The following SCUBE2 variants were observed in gnomAD, a reference collection of about 807,000 sequenced individuals.
SCUBE2 encodes the protein signal peptide, CUB domain and EGF like domain containing 2.
Under a neutral mutation model 125.9 loss-of-function variants are expected in SCUBE2, and 114 were observed. The observed-to-expected ratio is 0.91, with a 90% CI of 0.78 to 1.06. The LOEUF is 1.06. SCUBE2 is among the 50% of genes least tolerant of loss of function. The probability of loss-of-function intolerance (pLI) is 0.00; values close to 1 mark genes in which losing one functional copy is unlikely to be tolerated. For synonymous variants in SCUBE2, 459 were observed against 492.9 expected, an observed-to-expected ratio of 0.93 and a Z score of 0.91; for missense variants, 1,255 against 1,301.8, an observed-to-expected ratio of 0.96 and a Z score of 0.55.
chr11:9,036,355 C>T (rs1263416101), intron 16 of SCUBE2, among the ~76,000 whole-genome samples: 1 of 152,182 alleles, frequency 6.6e-6, no homozygotes, highest in Non-Finnish European at 1.5e-5. Context: ...CAGCCCATCT[C>T]TCATGTAAAG....
chr11:9,031,010 A>C, intron 17 of SCUBE2, 85 bp from the exon 18 acceptor site: 1 of 1,332,420 alleles, frequency 7.5e-7, no homozygotes. Flanking sequence ...ACTTCAGTCC[A>C]ACCTGTTACC....
chr11:9,052,743 T>C lies in SCUBE2; in HGVS notation c.1534+3A>G. ...AGAGAGAACACGCAGATTTGGTAATTACCCCCAAAAGCAGAGTCATTTGAT... is the reference window on the plus strand; with the variant it reads ...AGAGAGAACACGCAGATTTGGTAATCACCCCCAAAAGCAGAGTCATTTGAT... On this transcript the variant is annotated splice_donor_region_variant and intron_variant, in intron 13 of 22. Transcript: ENST00000649792. The C allele has an allele frequency of 6.5e-7, 1 of 1,534,304 alleles. No homozygotes were observed. Among genetic ancestry groups the C allele is most frequent in the Non-Finnish European group, 8.7e-7 (1 of 1,144,238 alleles).
At chr11:9,061,934 G>A (rs145293679) in intron 7 of SCUBE2, among the ~76,000 whole-genome samples, 12 of 152,280 alleles carry the variant, frequency 7.9e-5, no homozygotes, top group Non-Finnish European at 1.2e-4. Context: ...AAATGAGGAC[G>A]GAGTTAAGAA....
At chr11:9,021,292 C>T (rs1303339780) in intron 22 of SCUBE2, 95 bp from the exon 23 acceptor site, 2 of 1,052,326 alleles carry the variant, frequency 1.9e-6, no homozygotes, top group Non-Finnish European at 2.5e-6. Flanking sequence ...TAGGCCGTAG[C>T]TTGCTTAGCT....
rs1389728256 is a variant in SCUBE2 at position 9,030,041 on chromosome 11, TTGAAC to T, written c.2342-1_2345del. The stretch of plus-strand genomic sequence containing the variant: ...TGTTGTAGAAATGTCCAGGTGAACA[TTGAAC>T]TGTGGGTCAAGGGAGGGTGAAAAGA... On this transcript the variant is annotated splice_acceptor_variant and coding_sequence_variant, in exon 19 of 23. Coordinates refer to ENST00000649792, the MANE Select transcript of SCUBE2 (RefSeq NM_001367977.2). LOFTEE classifies it high-confidence loss of function. 1 of 1,613,606 alleles carries T rather than the reference TTGAAC, an allele frequency of 6.2e-7. No homozygotes were observed. The highest frequency in any genetic ancestry group is 8.5e-7 in the Non-Finnish European group (1 of 1,179,664).
At chr11:9,047,273 TG>T in intron 16 of SCUBE2, 82 bp downstream of exon 16, 1 of 1,391,198 alleles carries the variant, frequency 7.2e-7, no homozygotes, top group Non-Finnish European at 1.0e-6. Flanking sequence ...GAAGGGAGGA[TG>T]GGCCAGACTT....
chr11:9,045,602 GACAGACAGACACACACACACACAC>G (rs1566189274), intron 16 of SCUBE2, among the ~76,000 whole-genome samples: 1 of 75,396 alleles, frequency 1.3e-5, no homozygotes, highest in Non-Finnish European at 3.0e-5. Context: ...CTAGAAGACA[GACAGACAGACACACACACACACAC>G]ACACACACAC....
At chr11:9,024,112 A>G in intron 21 of SCUBE2, 1 of 631,040 alleles carries the variant, frequency 1.6e-6, no homozygotes, top group Non-Finnish European at 2.0e-6. Context: ...TCTCGTGGGC[A>G]TACACTGCAT....
At chr11:9,041,955 G>A (rs1215171191) in intron 16 of SCUBE2, among the ~76,000 whole-genome samples, 1 of 152,128 alleles carries the variant, frequency 6.6e-6, no homozygotes, top group Non-Finnish European at 1.5e-5. Flanking sequence ...CAGCTTGAGT[G>A]CAAGATAGAG....
At chr11:9,060,360 C>T (rs2135585804) in intron 8 of SCUBE2, 48 bp downstream of exon 8, 2 of 1,426,046 alleles carry the variant, frequency 1.4e-6, no homozygotes, top group Non-Finnish European at 2.0e-6. Context: ...GGCATGGGCC[C>T]TCCCTCCATA....
Position 9,065,939 on chromosome 11 carries a change from T to C in SCUBE2, c.802A>G (p.Thr268Ala). The C allele has an allele frequency of 6.2e-7, 1 of 1,614,182 alleles. No homozygotes were observed. Among genetic ancestry groups the C allele is most frequent in the Non-Finnish European group, 8.5e-7 (1 of 1,180,008 alleles). The change falls in exon 7 of 23, where the codon ACA (threonine) becomes GCA (alanine). Residue 268 changes from threonine (T) to alanine (A), a missense_variant. Coordinates refer to ENST00000649792, the MANE Select transcript of SCUBE2 (RefSeq NM_001367977.2). ...TVLEVTESNT[T>A]SVVDGDKRVK... ...CGTTTATCCCCATCCACCACTGATG[T>C]GGTGTTGCTCTCTGTCACCTCCAGG...
intron 16 of SCUBE2, 66 bp downstream of exon 16, chr11:9,047,290 C>G: frequency 6.4e-7 from 1 of 1,550,604 alleles, no homozygotes; most frequent in Non-Finnish European, 8.9e-7. Flanking sequence ...GACTTGCCTT[C>G]GGTTACCCTG....
In SCUBE2 at chr11:9,066,818, C is replaced by A. The variant is rs1860287908; in HGVS notation, c.644-5G>T. On this transcript the variant is annotated splice_polypyrimidine_tract_variant and splice_region_variant and intron_variant, in intron 5 of 22. Transcript: ENST00000649792. The stretch of plus-strand genomic sequence containing the variant: ...CGTTCCCATGGTTACAGGTCACTGA[C>A]AGCAAAATGAATCAATACATAAAGC... 1 of 1,608,772 alleles carries A rather than the reference C, an allele frequency of 6.2e-7. No individual in the cohort carries two copies. Among genetic ancestry groups the A allele is most frequent in the African/African-American group, 1.3e-5 (1 of 74,792 alleles).
rs149116924 is a variant in SCUBE2 at position 9,033,654 on chromosome 11, T to C, written c.2145A>G (p.Pro715=). The change falls in exon 17 of 23, where the codon CCA becomes CCG. Residue 715 remains proline, a synonymous_variant. Transcript: ENST00000649792. ...CACATTCAGACATATTCCAAGCTTC[T>C]GGGGTCTTCAGGGCCCCAGAATTTC... ...RPGNSGALKT[P]EAWNMSECGG... 23 of 1,614,152 alleles carry C rather than the reference T, an allele frequency of 1.4e-5. No homozygotes were observed. In the African/African-American group the frequency reaches 3.1e-4, roughly 22 times the overall value.
chr11:9,066,818 C>T lies in SCUBE2; in HGVS notation c.644-5G>A. 5 of 1,608,890 alleles carry T rather than the reference C, an allele frequency of 3.1e-6. No individual in the cohort carries two copies. Among genetic ancestry groups the T allele is most frequent in the Non-Finnish European group, 4.3e-6 (5 of 1,175,236 alleles). On this transcript the variant is annotated splice_polypyrimidine_tract_variant and splice_region_variant and intron_variant, in intron 5 of 22. Coordinates refer to ENST00000649792, the MANE Select transcript of SCUBE2 (RefSeq NM_001367977.2). Reference sequence around the variant, plus strand: ...CGTTCCCATGGTTACAGGTCACTGACAGCAAAATGAATCAATACATAAAGC... The same window carrying T: ...CGTTCCCATGGTTACAGGTCACTGATAGCAAAATGAATCAATACATAAAGC...
rs570597512 is a variant in SCUBE2, at chr11:9,084,790, C to A, written c.256+4917G>T. Among the ~76,000 whole-genome samples, 10 of 152,326 alleles carry A rather than the reference C, an allele frequency of 6.6e-5. No individual in the cohort carries two copies. The South Asian group carries it at 2.1e-3, about 32-fold the overall frequency. On this transcript the variant is annotated intron_variant, in intron 2 of 22. Coordinates refer to ENST00000649792, the MANE Select transcript of SCUBE2 (RefSeq NM_001367977.2). The stretch of plus-strand genomic sequence containing the variant: ...ACAGCGTCTCATTTTGTCACCCAGG[C>A]TGGAGTGCAGTGGTGCCATCATAGC...
intron 13 of SCUBE2, among the ~76,000 whole-genome samples, chr11:9,051,056 G>A (rs895786637): frequency 3.3e-5 from 5 of 152,106 alleles, no homozygotes; most frequent in Non-Finnish European, 5.9e-5. Context: ...CCAGCTACTC[G>A]GGAGGCTGAG....
At position 9,074,499 on chromosome 11, in the gene SCUBE2, A is replaced by G; in HGVS notation, c.499T>C (p.Cys167Arg). The change falls in exon 4 of 23, where the codon TGC becomes CGC. Residue 167 changes from cysteine (C) to arginine (R), a missense_variant. By Grantham distance (180) the Cys-to-Arg change is radical (BLOSUM62 -3). Around this residue, in one of 3 missense-constraint regions of SCUBE2, gnomAD observed 362 missense variants for 323.0 expected, o/e 1.12. Coordinates refer to ENST00000649792, the MANE Select transcript of SCUBE2 (RefSeq NM_001367977.2). ...GFFLSDNQHT[C>R]IHRSEEGLSC... ...GAGGTACCTTCCGAGCGGTGAATGC[A>G]GGTGTGCTGATTGTCACTCAGGAAA... 1 of 1,614,174 alleles carries G rather than the reference A, an allele frequency of 6.2e-7. No individual in the cohort carries two copies. Among genetic ancestry groups the G allele is most frequent in the Non-Finnish European group, 8.5e-7 (1 of 1,180,016 alleles).
At chr11:9,042,746 C>T (rs995661327) in intron 16 of SCUBE2, among the ~76,000 whole-genome samples, 2 of 152,288 alleles carry the variant, frequency 1.3e-5, no homozygotes, top group South Asian at 2.1e-4. Flanking sequence ...GAAGCAAGTG[C>T]CAGGATCACA....
Sources: gnomAD v4.1 joint callset for allele counts (sites outside exome capture counted in the v4.1 genomes callset) on GRCh38, gnomAD v4.1.1 for gene constraint, gnomAD v4.1.1 regional missense constraint, MANE v1.5 for transcripts, NCBI Gene and HGNC (gene_info 2026-07-23, HGNC 2026-07-21) for gene names.